Variants in SV2B observed in about 807,000 individuals in gnomAD.
SV2B encodes the protein synaptic vesicle glycoprotein 2B.
SV2B carries 41 observed loss-of-function variants against 73.9 expected under a neutral mutation model. The observed-to-expected ratio is 0.56, with a 90% confidence interval of 0.43 to 0.72. SV2B has a LOEUF of 0.72. Ranked by LOEUF, SV2B falls within the 30% of genes least tolerant of loss-of-function variation. The pLI is 0.00. For missense variants in SV2B, 764 were observed against 857.8 expected (o/e 0.89, Z 1.37); for synonymous variants, 314 against 314.2 (o/e 1.00, Z 0.01).
rs16945236 is a variant in SV2B at position 91,121,097 on chromosome 15, G to A, written c.-392+20734G>A. On this transcript the variant is annotated intron_variant, in intron 1 of 12. Coordinates refer to ENST00000394232, the MANE Select transcript of SV2B (RefSeq NM_001323032.3). This position sits in a 1 kb window ranked among gnomAD's most constrained non-coding sequence, Gnocchi z 4.4. ...TGGCAGAGAACTAGTCTTTTAACACGCTAATTTTTGGTCTTATGTTAGTAA... is the reference window on the plus strand; with the variant it reads ...TGGCAGAGAACTAGTCTTTTAACACACTAATTTTTGGTCTTATGTTAGTAA... Among the ~76,000 whole-genome samples, 1 of 151,708 alleles carries A rather than the reference G, an allele frequency of 6.6e-6. No individual in the cohort carries two copies. Among genetic ancestry groups the A allele is most frequent in the East Asian group, 1.9e-4 (1 of 5,190 alleles).
rs1183848369 is a variant in SV2B at position 91,284,083 on chromosome 15, G to T, written c.1570G>T (p.Glu524Ter). 1 of 1,614,164 alleles carries T rather than the reference G, an allele frequency of 6.2e-7. No individual in the cohort carries two copies. Among genetic ancestry groups the T allele is most frequent in the Admixed American group, 1.7e-5 (1 of 60,026 alleles). The change falls in exon 11 of 13, where the codon GAG becomes TAG. Residue 524 changes from glutamate to a stop codon, truncating the protein, a stop_gained. Coordinates refer to ENST00000394232, the MANE Select transcript of SV2B (RefSeq NM_001323032.3). LOFTEE classifies it high-confidence loss of function. The surrounding 1 kb of genome is among the most constrained non-coding windows in gnomAD (Gnocchi z 4.5). Reference protein sequence around the residue: ...FINSTFLEQKEGCHMDLEQDN... With the variant: ...FINSTFLEQK The stretch of plus-strand genomic sequence containing the variant: ...CAACTCCACCTTCCTGGAGCAGAAG[G>T]AGGGCTGCCACATGGACTTGGAGCA...
chr15:91,114,094 G>A (rs1386716825), intron 1 of SV2B, among the ~76,000 whole-genome samples: 2 of 143,412 alleles, frequency 1.4e-5, no homozygotes, highest in African/African-American at 2.6e-5. Flanking sequence ...TGAGGCAGGA[G>A]AATGGTGCGA....
Position 91,265,986 on chromosome 15 carries a change from AC to A in SV2B, c.1009-595del, listed in dbSNP as rs1162449765. 6.6e-6 allele frequency among the ~76,000 whole-genome samples: 1 copy of A among 152,194 alleles called. No individual in the cohort carries two copies. The highest frequency in any genetic ancestry group is 1.9e-4 in the East Asian group (1 of 5,186). On this transcript the variant is annotated intron_variant, in intron 6 of 12. Coordinates refer to ENST00000394232, the MANE Select transcript of SV2B (RefSeq NM_001323032.3). The surrounding 1 kb of genome is among the most constrained non-coding windows in gnomAD (Gnocchi z 4.2). ...TGAAACCCTGTCTCTATTAAAAAAT[AC>A]AAAAAATTAGCTGGGTGTGGTGGTG...
chr15:91,113,141 A>G (rs2042083031), intron 1 of SV2B, among the ~76,000 whole-genome samples: 1 of 152,156 alleles, frequency 6.6e-6, no homozygotes, highest in Non-Finnish European at 1.5e-5. Flanking sequence ...CCCAGATGTA[A>G]TCATGTTAAG....
intron 2 of SV2B, among the ~76,000 whole-genome samples, chr15:91,249,771 G>T (rs1473356581): frequency 6.6e-6 from 1 of 152,170 alleles, no homozygotes; most frequent in African/African-American, 2.4e-5. Flanking sequence ...TGGAAGAAAT[G>T]CATACATTCC....
intron 2 of SV2B, among the ~76,000 whole-genome samples, chr15:91,228,299 C>A (rs1029189817): frequency 6.6e-5 from 10 of 152,000 alleles, no homozygotes; most frequent in Non-Finnish European, 1.5e-4. Flanking sequence ...TTTTTAAACA[C>A]CAACATAATT....
At chr15:91,285,779 C>A (rs774730227) in intron 11 of SV2B, among the ~76,000 whole-genome samples, 1 of 152,076 alleles carries the variant, frequency 6.6e-6, no homozygotes. Flanking sequence ...TGAGGAAGTT[C>A]TGGGGGAGGC....
At chr15:91,163,300 A>T (rs1216251356) in intron 1 of SV2B, among the ~76,000 whole-genome samples, 2 of 152,218 alleles carry the variant, frequency 1.3e-5, no homozygotes, top group Non-Finnish European at 2.9e-5. Flanking sequence ...GGCTGGGTCA[A>T]ATGGTATTTC....
At chr15:91,168,301 CGAGAGAGAGAGAGAGA>C (rs113991291) in intron 1 of SV2B, among the ~76,000 whole-genome samples, 1 of 137,200 alleles carries the variant, frequency 7.3e-6, no homozygotes, top group African/African-American at 2.8e-5. Context: ...TGGTGAGATA[CGAGAGAGAGAGAGAGA>C]GAGAGAGAGA....
chr15:91,150,396 A>T (rs373350340), intron 1 of SV2B, among the ~76,000 whole-genome samples: 1 of 152,334 alleles, frequency 6.6e-6, no homozygotes, highest in South Asian at 2.1e-4. Context: ...AAGTCAGCTC[A>T]TGCTGGGCTG....
At position 91,284,791 on chromosome 15, in the gene SV2B, A is replaced by C. The variant is rs2048804181; in HGVS notation, c.1708+570A>C. Reference sequence around the variant, plus strand: ...GTAGGGTTTTGTGAGAATTGAACATAAGGTACCTGTAACACTTGGCACATC... The same window carrying C: ...GTAGGGTTTTGTGAGAATTGAACATCAGGTACCTGTAACACTTGGCACATC... On this transcript the variant is annotated intron_variant, in intron 11 of 12. Transcript: ENST00000394232. This position sits in a 1 kb window ranked among gnomAD's most constrained non-coding sequence, Gnocchi z 4.5. Among the ~76,000 whole-genome samples, 1 of 152,196 alleles carries C rather than the reference A, an allele frequency of 6.6e-6. No homozygotes were observed. The highest frequency in any genetic ancestry group is 2.4e-5 in the African/African-American group (1 of 41,438).
At chr15:91,274,270 A>G (rs1284130629) in intron 9 of SV2B, among the ~76,000 whole-genome samples, 1 of 152,190 alleles carries the variant, frequency 6.6e-6, no homozygotes, top group African/African-American at 2.4e-5. Context: ...GATTGCATTA[A>G]TTTGCACTCT....
At chr15:91,194,481 G>C (rs2045169353) in intron 1 of SV2B, among the ~76,000 whole-genome samples, 1 of 152,190 alleles carries the variant, frequency 6.6e-6, no homozygotes, top group Admixed American at 6.5e-5. Context: ...TTTCTCTTGA[G>C]TGAATACCCA....
chr15:91,134,004 C>CTTTTTTTTTTT (rs10637206), intron 1 of SV2B, among the ~76,000 whole-genome samples: 3,220 of 105,988 alleles, frequency 0.03, 486 homozygotes, highest in African/African-American at 0.1. Context: ...TTCTTTCTTC[C>CTTTTTTTTTTT]TTTTTTTTTT....
Position 91,281,634 on chromosome 15 carries a change from C to T in SV2B, c.1374-94C>T. On this transcript the variant is annotated intron_variant, in intron 9 of 12. Coordinates refer to ENST00000394232, the MANE Select transcript of SV2B (RefSeq NM_001323032.3). This position sits in a 1 kb window ranked among gnomAD's most constrained non-coding sequence, Gnocchi z 4.7. ...AATGCTCTGGCACCTTTTGCTTGCA[C>T]ATCTCCTTTTTCTGCCTTGCTGTGT... The T allele has an allele frequency of 1.4e-6, 2 of 1,425,666 alleles. No homozygotes were observed. Among genetic ancestry groups the T allele is most frequent in the Non-Finnish European group, 1.9e-6 (2 of 1,055,922 alleles). 88.3% of individuals were successfully genotyped at this position (1,425,666 alleles called of 1,614,324 possible).
In SV2B at chr15:91,260,400, A is replaced by T; in HGVS notation, c.999A>T (p.Lys333Asn). The T allele has an allele frequency of 3.1e-6, 5 of 1,613,198 alleles. No homozygotes were observed. The highest frequency in any genetic ancestry group is 4.2e-6 in the Non-Finnish European group (5 of 1,179,666). Residue 333 changes from lysine to asparagine, a missense_variant, in exon 6 of 13, where the codon AAA (lysine) becomes AAT (asparagine). Lys to Asn is a moderately conservative substitution (Grantham distance 94). Coordinates refer to ENST00000394232, the MANE Select transcript of SV2B (RefSeq NM_001323032.3). ...TGAGAGCTAAGGGGACCCCAGAGAA[A>T]GTGTTCACGGTGAGTGTGGGGTTGC... ...TNMRAKGTPEKVFTVSNIKTP... is the reference protein window; with the variant it reads ...TNMRAKGTPENVFTVSNIKTP...
rs2045077820 is a variant in SV2B, at chr15:91,192,548, A to C, written c.-391-33325A>C. On this transcript the variant is annotated intron_variant, in intron 1 of 12. Transcript: ENST00000394232. ...CAAGGGATGTGATGAGAAATCAGTG[A>C]AGTAGTGTGTGAAACAATGTGACAT... Among the ~76,000 whole-genome samples, 4 of 152,324 alleles carry C rather than the reference A, an allele frequency of 2.6e-5. No individual in the cohort carries two copies. The South Asian group carries it at 8.3e-4, about 32-fold the overall frequency.
At chr15:91,180,061 T>C (rs913611113) in intron 1 of SV2B, among the ~76,000 whole-genome samples, 1 of 152,092 alleles carries the variant, frequency 6.6e-6, no homozygotes, top group Non-Finnish European at 1.5e-5. Flanking sequence ...TAGTGCTTCC[T>C]TCAGGAGCTC....
chr15:91,119,358 C>G (rs1267230324), intron 1 of SV2B, among the ~76,000 whole-genome samples: 1 of 152,198 alleles, frequency 6.6e-6, no homozygotes, highest in East Asian at 1.9e-4. Flanking sequence ...CATTTGTTCT[C>G]ATGCTTAGAT....
Sources: allele counts gnomAD v4.1 joint callset (sites outside exome capture counted in the v4.1 genomes callset), GRCh38; gene constraint gnomAD v4.1.1; non-coding constraint Gnocchi (gnomAD v3.1); transcripts MANE v1.5; gene names NCBI Gene and HGNC (gene_info 2026-07-23, HGNC 2026-07-21).